The following LRRC9 variants were observed in gnomAD, a reference collection of about 807,000 sequenced individuals.
The protein encoded by LRRC9 is leucine-rich repeat-containing protein 9.
LRRC9 carries 122 observed loss-of-function variants against 63.2 expected under a neutral mutation model. That is an observed-to-expected ratio of 1.93 (90% confidence interval 1.67 to 2.24). The LOEUF (loss-of-function observed/expected upper bound fraction) is 2.24, where lower values mean the gene tolerates loss of function less well. Ranked by LOEUF, LRRC9 falls within the 30% of genes most tolerant of loss-of-function variation. LRRC9 has a pLI of 0.00. For missense variants in LRRC9, 1,071 were observed against 627.7 expected, an observed-to-expected ratio of 1.71 and a Z score of -7.55; for synonymous variants, 366 against 213.1, an observed-to-expected ratio of 1.72 and a Z score of -6.25.
intron 8 of LRRC9, among the ~76,000 whole-genome samples, chr14:59,949,158 A>T (rs561478160): frequency 6.9e-6 from 1 of 143,988 alleles, no homozygotes; most frequent in East Asian, 2.1e-4. Context: ...TTTGGTTGGT[A>T]AACTATTGAT....
At chr14:60,046,847 C>G (rs1006319164) in intron 29 of LRRC9, among the ~76,000 whole-genome samples, 4 of 152,078 alleles carry the variant, frequency 2.6e-5, no homozygotes, top group Admixed American at 6.6e-5. Context: ...ATTACTTTTG[C>G]TGATATGGCC....
rs182847900 is a variant in LRRC9, at chr14:59,927,293, G to A, written c.-33-618G>A. Among the ~76,000 whole-genome samples the A allele has an allele frequency of 5.2e-4, 79 of 151,946 alleles. No homozygotes were observed. The highest frequency in any genetic ancestry group is 1.0e-4 in the Non-Finnish European group (7 of 67,888). On this transcript the variant is annotated intron_variant, in intron 1 of 31. Coordinates refer to ENST00000445360, the Ensembl canonical transcript of LRRC9. The surrounding 1 kb of genome is among the most constrained non-coding windows in gnomAD (Gnocchi z 4.4). ...TATATTTTTTAGATAGTATGTATCT[G>A]GAATAATATACAGAAAATATTACAA...
At chr14:59,971,866 C>T (rs1034236234) in intron 12 of LRRC9, among the ~76,000 whole-genome samples, 2 of 152,100 alleles carry the variant, frequency 1.3e-5, no homozygotes, top group African/African-American at 4.8e-5. Context: ...GGCAACACTG[C>T]CCTTGGTCAT....
At chr14:60,032,947 G>A (rs1595070395) in intron 29 of LRRC9, among the ~76,000 whole-genome samples, 1 of 151,904 alleles carries the variant, frequency 6.6e-6, no homozygotes, top group East Asian at 1.9e-4. Flanking sequence ...GCAATAAACA[G>A]TATCCCCTAA....
rs373218225 is a variant in LRRC9 at position 59,952,081 on chromosome 14, A to G, written c.882+7337A>G. On this transcript the variant is annotated intron_variant, in intron 8 of 31. Transcript: ENST00000445360. ...TACCTAAGCAAGCCTGGGCAATGGC[A>G]GGCGCCCCTCCCCCAGCCTCGCTGC... Among the ~76,000 whole-genome samples, 825 of 151,608 alleles carry G rather than the reference A, an allele frequency of 5.4e-3. 5 individuals are homozygous for G. The highest frequency in any genetic ancestry group is 0.013 in the African/African-American group (526 of 41,118).
chr14:59,996,761 T>C (rs552954383), intron 17 of LRRC9, among the ~76,000 whole-genome samples: 1 of 152,306 alleles, frequency 6.6e-6, no homozygotes, highest in East Asian at 1.9e-4. Flanking sequence ...GAAATCTACT[T>C]GGCAGTATTT....
chr14:59,940,894 G>A (rs1385469696), intron 7 of LRRC9, among the ~76,000 whole-genome samples: 1 of 151,994 alleles, frequency 6.6e-6, no homozygotes, highest in Non-Finnish European at 1.5e-5. Flanking sequence ...TTTAACAGGT[G>A]TGGAATTCTA....
rs1367051779 is a variant in LRRC9 at position 60,051,235 on chromosome 14, C to T, written c.3991-1830C>T. On this transcript the variant is annotated intron_variant, in intron 29 of 31. Coordinates refer to ENST00000445360, the Ensembl canonical transcript of LRRC9. The surrounding 1 kb of genome is among the most constrained non-coding windows in gnomAD (Gnocchi z 4.7). ...CTGCCTCTCCCCACAGGAGTTCCATCCCAGGGAGAGATCAGGGTTCAGTGC... is the reference window on the plus strand; with the variant it reads ...CTGCCTCTCCCCACAGGAGTTCCATTCCAGGGAGAGATCAGGGTTCAGTGC... Among the ~76,000 whole-genome samples, 6 of 152,200 alleles carry T rather than the reference C, an allele frequency of 3.9e-5. No homozygotes were observed. Among genetic ancestry groups the T allele is most frequent in the African/African-American group, 1.2e-4 (5 of 41,454 alleles).
At chr14:60,043,982 CT>C (rs1893193802) in intron 29 of LRRC9, among the ~76,000 whole-genome samples, 1 of 151,434 alleles carries the variant, frequency 6.6e-6, no homozygotes, top group African/African-American at 2.4e-5. Flanking sequence ...TATTTCATTA[CT>C]TGTTATTGGG....
intron 12 of LRRC9, among the ~76,000 whole-genome samples, chr14:59,973,066 A>G (rs1006048622): frequency 7.9e-5 from 12 of 152,116 alleles, no homozygotes; most frequent in Non-Finnish European, 1.5e-4. Flanking sequence ...AATTGATGTC[A>G]GATGGATGGA....
intron 1 of LRRC9, among the ~76,000 whole-genome samples, chr14:59,921,023 A>G (rs6573288): frequency 6.6e-6 from 1 of 152,100 alleles, no homozygotes; most frequent in African/African-American, 2.4e-5. Flanking sequence ...CCCTAACCAG[A>G]ATCACAAGAA....
intron 17 of LRRC9, among the ~76,000 whole-genome samples, chr14:59,994,946 C>A (rs1035833169): frequency 1.3e-5 from 2 of 151,426 alleles, no homozygotes; most frequent in South Asian, 2.1e-4. Flanking sequence ...CAACATGGCA[C>A]ATGTATACAT....
chr14:60,022,084 G>A (rs2140291524), intron 26 of LRRC9, among the ~76,000 whole-genome samples: 1 of 151,796 alleles, frequency 6.6e-6, no homozygotes, highest in East Asian at 1.9e-4. Context: ...CAATTTGGGA[G>A]AATTGCCATT....
rs1399726393 is a variant in LRRC9, at chr14:59,990,101, A to C, written c.2211+4877A>C. 6.6e-6 allele frequency among the ~76,000 whole-genome samples: 1 copy of C among 151,996 alleles called. No homozygotes were observed. Among genetic ancestry groups the C allele is most frequent in the Non-Finnish European group, 1.5e-5 (1 of 67,972 alleles). On this transcript the variant is annotated intron_variant, in intron 17 of 31. Coordinates refer to ENST00000445360, the Ensembl canonical transcript of LRRC9. This position sits in a 1 kb window ranked among gnomAD's most constrained non-coding sequence, Gnocchi z 4.2. ...CACCACCACACCCAGCTAACTTTGT[A>C]TTTTTAGCAGAGATGAGGTTTCTCC...
chr14:60,040,800 T>C (rs945533779), intron 29 of LRRC9, among the ~76,000 whole-genome samples: 3 of 151,996 alleles, frequency 2.0e-5, no homozygotes, highest in African/African-American at 7.3e-5. Flanking sequence ...GATCCTGTCA[T>C]TATGATGTTA....
chr14:59,955,231 T>C (rs1306893732), intron 8 of LRRC9, among the ~76,000 whole-genome samples: 5 of 152,210 alleles, frequency 3.3e-5, no homozygotes, highest in Non-Finnish European at 7.4e-5. Flanking sequence ...CCAGTTCCTC[T>C]TTGTACCTCT....
At position 59,975,116 on chromosome 14, in the gene LRRC9, TATATATATATGTATATATATATAC is replaced by T. The variant is rs1305850942; in HGVS notation, c.1639+432_1639+455del. Reference sequence around the variant, plus strand: ...ATATATATATACATATATATATGTATATATATATATGTATATATATATACATATATATATGTATATATATATATG... The same window carrying T: ...ATATATATATACATATATATATGTATATATATATATGTATATATATATATG... On this transcript the variant is annotated intron_variant, in intron 13 of 31. Transcript: ENST00000445360. Among the ~76,000 whole-genome samples, 7 of 17,920 alleles carry T rather than the reference TATATATATATGTATATATATATAC, an allele frequency of 3.9e-4. 1 individual carries two copies. Among genetic ancestry groups the T allele is most frequent in the Non-Finnish European group, 1.8e-3 (6 of 3,326 alleles). The allele number at this position is 17,920 out of a possible 152,430, so 11.8% of individuals were successfully genotyped here.
chr14:60,000,380 C>T (rs916769085), intron 19 of LRRC9, among the ~76,000 whole-genome samples: 1 of 152,090 alleles, frequency 6.6e-6, no homozygotes, highest in Non-Finnish European at 1.5e-5. Context: ...CTACCCCAAA[C>T]CTCAACATTA....
chr14:59,967,455 G>A (rs1354732661), intron 12 of LRRC9, among the ~76,000 whole-genome samples: 1 of 152,070 alleles, frequency 6.6e-6, no homozygotes, highest in African/African-American at 2.4e-5. Flanking sequence ...TTATTTTTAT[G>A]TTGTGTTCCT....
Sources: gnomAD v4.1 joint callset for allele counts (sites outside exome capture counted in the v4.1 genomes callset) on GRCh38, gnomAD v4.1.1 for gene constraint, Gnocchi (gnomAD v3.1) non-coding constraint, MANE v1.5 for transcripts, NCBI Gene and HGNC (gene_info 2026-07-23, HGNC 2026-07-21) for gene names.